TMEM222: variants seen among roughly 807,000 people sequenced by gnomAD.
TMEM222 encodes the protein chromosome 1 open reading frame 160.
A neutral mutation model predicts 25.1 loss-of-function variants in TMEM222; 18 were observed. That is an observed-to-expected ratio of 0.72 (90% CI 0.50 to 1.06). The LOEUF (loss-of-function observed/expected upper bound fraction) is 1.06, where lower values mean the gene tolerates loss of function less well. TMEM222 is among the 50% of genes least tolerant of loss of function. The probability of loss-of-function intolerance (pLI) is 0.00; values close to 1 mark genes in which losing one functional copy is unlikely to be tolerated. For synonymous variants in TMEM222, 131 were observed against 117.9 expected (o/e 1.11, Z -0.72); for missense variants, 296 against 293.7 (o/e 1.01, Z -0.06).
At chr1:27,333,910 G>A in intron 3 of TMEM222, 48 bp from the exon 4 acceptor site, 1 of 1,565,970 alleles carries the variant, frequency 6.4e-7, no homozygotes, top group Non-Finnish European at 8.8e-7. Context: ...GTAGAGCTGA[G>A]GGCACAAAGG....
intron 1 of TMEM222, 128 bp downstream of exon 1, chr1:27,322,519 A>C (rs1253500698): frequency 4.5e-6 from 4 of 895,530 alleles, no homozygotes; most frequent in Non-Finnish European, 6.1e-6. Flanking sequence ...CGCCTCGCCC[A>C]GTCACCAGAA....
chr1:27,322,823 A>G (rs2014239815), intron 1 of TMEM222, among the ~76,000 whole-genome samples: 1 of 152,130 alleles, frequency 6.6e-6, no homozygotes, highest in Non-Finnish European at 1.5e-5. Flanking sequence ...GGACCACACG[A>G]GATCCTGGGA....
At chr1:27,333,546 C>T (rs1003852136) in intron 3 of TMEM222, 8 of 448,174 alleles carry the variant, frequency 1.8e-5, no homozygotes, top group African/African-American at 1.6e-4. Context: ...TGCCTTTCCA[C>T]TGTGTCCCCA....
rs1342496409 is a variant in TMEM222, at chr1:27,334,168, C to T, written c.426C>T (p.Asp142=). The change falls in exon 5 of 6, where the codon GAC becomes GAT. Residue 142 remains aspartate (D), a synonymous_variant. Transcript: ENST00000374076. ...GCCTCCAGCACAATCTCTGCTGTGA[C>T]AACTGCCACTCGCACGTGGCATTGG... ...YKHRMHNLCC[D]NCHSHVALAL... is the part of the protein sequence containing the mutation. The T allele has an allele frequency of 1.2e-6, 2 of 1,614,072 alleles. No individual in the cohort carries two copies. The highest frequency in any genetic ancestry group is 8.5e-7 in the Non-Finnish European group (1 of 1,180,044).
chr1:27,330,769 G>A lies in TMEM222; in HGVS notation c.244G>A (p.Val82Ile), dbSNP rs780436454. Residue 82 changes from valine (V) to isoleucine (I), a missense_variant, in exon 2 of 6, where the codon GTC (valine) becomes ATC (isoleucine). Physicochemically the swap from Val to Ile is conservative, Grantham distance 29. Transcript: ENST00000374076. Reference sequence around the variant, plus strand: ...CATGGGCATCTGCACATCCACAGGAGTCATTCGGGACTTCGCGGGCCCCTA... The same window carrying A: ...CATGGGCATCTGCACATCCACAGGAATCATTCGGGACTTCGCGGGCCCCTA... The part of the protein sequence containing the change: ...GHMGICTSTG[V>I]IRDFAGPYFV... The A allele has an allele frequency of 2.5e-6, 4 of 1,614,200 alleles. No individual in the cohort carries two copies. The Admixed American group carries it at 5.0e-5, about 20-fold the overall frequency.
At position 27,322,239 on chromosome 1, in the gene TMEM222, G is replaced by A. The variant is rs1044803297; in HGVS notation, c.42G>A (p.Pro14=). ...GGAGTTCTCTGCTCTTGTTGCCGCCGCCGCCACCCCCGCCCAGGATGGCGG... is the reference window on the plus strand; with the variant it reads ...GGAGTTCTCTGCTCTTGTTGCCGCCACCGCCACCCCCGCCCAGGATGGCGG... The part of the protein sequence containing the change: ...AEGSSLLLLP[P]PPPPPRMAEV... The change falls in exon 1 of 6, where the codon CCG becomes CCA. Residue 14 remains proline, a synonymous_variant. Coordinates refer to ENST00000374076, the MANE Select transcript of TMEM222 (RefSeq NM_032125.3). 2 of 1,464,582 alleles carry A rather than the reference G, an allele frequency of 1.4e-6. No individual in the cohort carries two copies. Among genetic ancestry groups the A allele is most frequent in the Admixed American group, 2.7e-5 (1 of 37,088 alleles). The allele number at this position is 1,464,582 out of a possible 1,614,324, so 90.7% of individuals were successfully genotyped here. A position where few individuals can be genotyped will look rare whatever the true frequency, so the allele number is the denominator to read the frequency against.
intron 1 of TMEM222, chr1:27,325,344 C>A: frequency 1.3e-6 from 1 of 786,350 alleles, no homozygotes; most frequent in Non-Finnish European, 2.3e-6. Flanking sequence ...GGACTTCGAG[C>A]AGGAGATGGC....
intron 1 of TMEM222, among the ~76,000 whole-genome samples, chr1:27,327,710 T>G (rs2014386849): frequency 6.6e-6 from 1 of 151,788 alleles, no homozygotes; most frequent in Non-Finnish European, 1.5e-5. Flanking sequence ...CAGCCTCAAC[T>G]TCCTGGGCCC....
At chr1:27,335,115 T>C (rs935108028) in intron 5 of TMEM222, 2 of 540,346 alleles carry the variant, frequency 3.7e-6, no homozygotes, top group Non-Finnish European at 3.3e-6. Flanking sequence ...ATGGGGAGCA[T>C]GTTTCCTGTT....
intron 1 of TMEM222, among the ~76,000 whole-genome samples, chr1:27,329,094 T>TACAC (rs1360820610): frequency 2.0e-5 from 3 of 152,178 alleles, no homozygotes; most frequent in Non-Finnish European, 4.4e-5. Context: ...TTTCCTGGCA[T>TACAC]ACACCATGCT....
At chr1:27,331,945 CACTTCT>C in intron 2 of TMEM222, 119 bp from the exon 3 acceptor site, 2 of 959,578 alleles carry the variant, frequency 2.1e-6, no homozygotes, top group Non-Finnish European at 3.3e-6. Context: ...GCCCAGGCCC[CACTTCT>C]GGCCCCCCCA....
chr1:27,333,248 G>T, intron 3 of TMEM222: 1 of 452,014 alleles, frequency 2.2e-6, no homozygotes. Context: ...TCAGTTATGG[G>T]ACATGCTGCA....
chr1:27,331,954 C>CGGGG, intron 2 of TMEM222, 116 bp from the exon 3 acceptor site: 1 of 707,722 alleles, frequency 1.4e-6, no homozygotes, highest in Non-Finnish European at 2.5e-6. Context: ...CCACTTCTGG[C>CGGGG]CCCCCCACCC....
In TMEM222 at chr1:27,334,005, C is replaced by A; in HGVS notation, c.359C>A (p.Ala120Glu). Residue 120 changes from alanine (A) to glutamate (E), a missense_variant, in exon 4 of 6, where the codon GCA becomes GAA. Coordinates refer to ENST00000374076, the MANE Select transcript of TMEM222 (RefSeq NM_032125.3). ...CAGGTCTATGCTAGCGGGCCCAACGCATGGGACACGGCTGTGCACGACGCC... is the reference window on the plus strand; with the variant it reads ...CAGGTCTATGCTAGCGGGCCCAACGAATGGGACACGGCTGTGCACGACGCC... ...PAQVYASGPNAWDTAVHDASE... is the reference protein window; with the variant it reads ...PAQVYASGPNEWDTAVHDASE... 1 of 1,614,154 alleles carries A rather than the reference C, an allele frequency of 6.2e-7. No homozygotes were observed. The highest frequency in any genetic ancestry group is 2.2e-5 in the East Asian group (1 of 44,870).
intron 3 of TMEM222, chr1:27,332,354 C>T (rs546889746): frequency 1.4e-6 from 1 of 715,418 alleles, no homozygotes; most frequent in African/African-American, 1.7e-5. Flanking sequence ...ATTTTCAACT[C>T]CATGGCAAGG....
chr1:27,332,221 G>A (rs1348873235), intron 3 of TMEM222, 120 bp downstream of exon 3: 2 of 1,237,670 alleles, frequency 1.6e-6, no homozygotes, highest in South Asian at 1.2e-5. Context: ...TGGGGTCGGG[G>A]GAGAGGTCAG....
intron 2 of TMEM222, chr1:27,331,063 G>A (rs1444250575): frequency 6.5e-6 from 9 of 1,389,570 alleles, no homozygotes; most frequent in South Asian, 1.6e-5. Context: ...CTGGGGTACC[G>A]AGACATGGGT....
At chr1:27,331,377 A>G (rs980850956) in intron 2 of TMEM222, among the ~76,000 whole-genome samples, 2 of 152,198 alleles carry the variant, frequency 1.3e-5, no homozygotes, top group African/African-American at 4.8e-5. Context: ...AATAGTTGTC[A>G]TGATCATCTT....
chr1:27,334,678 G>A (rs527312988), intron 5 of TMEM222: 4 of 1,399,888 alleles, frequency 2.9e-6, no homozygotes, highest in East Asian at 3.6e-5. Flanking sequence ...TCCCTTCCTA[G>A]GCAGAGAGAT....
Sources: gnomAD v4.1 joint callset for allele counts (sites outside exome capture counted in the v4.1 genomes callset) on GRCh38, gnomAD v4.1.1 for gene constraint, MANE v1.5 for transcripts, NCBI Gene and HGNC (gene_info 2026-07-23, HGNC 2026-07-21) for gene names.